The following POLRMT variants were observed in gnomAD, a reference collection of about 807,000 sequenced individuals.
The protein encoded by POLRMT is RNA polymerase mitochondrial.
POLRMT carries 114 observed loss-of-function variants against 132.2 expected under a neutral mutation model. The observed-to-expected ratio is 0.86, with a 90% CI of 0.74 to 1.01. POLRMT has a LOEUF of 1.01. POLRMT is among the 50% of genes least tolerant of loss of function. The pLI is 0.00. For missense variants in POLRMT, 2,003 were observed against 1,729.1 expected (o/e 1.16, Z -2.81); for synonymous variants, 1,020 against 773.4 (o/e 1.32, Z -5.29).
intron 11 of POLRMT, 128 bp from the exon 12 acceptor site, chr19:620,208 G>T (rs1301688608): frequency 6.8e-7 from 1 of 1,465,728 alleles, no homozygotes; most frequent in Admixed American, 2.1e-5. Context: ...CGGAGCCCCC[G>T]CACGCTCCCG....
At chr19:633,045 G>A in intron 1 of POLRMT, 107 bp from the exon 2 acceptor site, 2 of 765,176 alleles carry the variant, frequency 2.6e-6, no homozygotes, top group Non-Finnish European at 3.9e-6. Flanking sequence ...AAACGCAGCG[G>A]AAACTCTCGG....
Position 617,409 on chromosome 19 carries a change from A to G in POLRMT, c.3643+10T>C. The stretch of plus-strand genomic sequence containing the variant: ...TCGAGCCACCCTTGCGAGGCTGCCC[A>G]CCCGCCTACCTGGCTTGGGCACCGC... On this transcript the variant is annotated intron_variant, in intron 20 of 20. Transcript: ENST00000588649. 6.2e-7 allele frequency: 1 copy of G among 1,611,698 alleles called. No homozygotes were observed.
rs778477461 is a variant in POLRMT at position 621,276 on chromosome 19, G to C, written c.2422C>G (p.Pro808Ala). The C allele has an allele frequency of 6.2e-7, 1 of 1,606,778 alleles. No homozygotes were observed. Among genetic ancestry groups the C allele is most frequent in the Non-Finnish European group, 8.5e-7 (1 of 1,177,888 alleles). The change falls in exon 10 of 21, where the codon CCC becomes GCC. Residue 808 changes from proline (P) to alanine (A), a missense_variant. By Grantham distance (27) the Pro-to-Ala change is conservative. Transcript: ENST00000588649. ...AGGTGGTTGAAGTGCGGCGGGCAGGGGTAGGTGCGGCCGCGGAAGTCCATG... is the reference window on the plus strand; with the variant it reads ...AGGTGGTTGAAGTGCGGCGGGCAGGCGTAGGTGCGGCCGCGGAAGTCCATG... ...HNMDFRGRTY[P>A]CPPHFNHLGS... is the part of the protein sequence containing the mutation.
At chr19:618,785 G>A (rs1211300593) in intron 15 of POLRMT, 25 bp from the exon 16 acceptor site, 1 of 1,577,368 alleles carries the variant, frequency 6.3e-7, no homozygotes, top group Non-Finnish European at 8.6e-7. Context: ...GGGCCGGTGA[G>A]TCCCACCCGA....
Position 617,673 on chromosome 19 carries a change from G to C in POLRMT, c.3496-18C>G, listed in dbSNP as rs370155132. 1.2e-6 allele frequency: 2 copies of C among 1,612,498 alleles called. No individual in the cohort carries two copies. The highest frequency in any genetic ancestry group is 2.2e-5 in the South Asian group (2 of 91,080). On this transcript the variant is annotated intron_variant, in intron 18 of 20. Transcript: ENST00000588649. ...CGGCACACCTGGGCAGGAGTCAGAG[G>C]ATCCCCAGGGGTGATCAGGCAGGCT... is the stretch of plus-strand genomic sequence containing the variant.
rs752702101 is a variant in POLRMT, at chr19:617,788, C to G, written c.3484G>C (p.Val1162Leu). The G allele has an allele frequency of 3.7e-6, 6 of 1,613,330 alleles. No individual in the cohort carries two copies. In the East Asian group the frequency reaches 1.1e-4, roughly 30 times the overall value. The change falls in exon 18 of 21, where the codon GTC (valine) becomes CTC (leucine). Residue 1162 changes from valine (V) to leucine (L), a missense_variant. Transcript: ENST00000588649. ...GACTACGGGGGCACCTGGTTCATGA[C>G]GGAGACATCAGCTGCGTGAGTCCAG... is the stretch of plus-strand genomic sequence containing the variant. ...CYWTHAADVS[V>L]MNQVCREQFV...
rs748881786 is a variant in POLRMT, at chr19:620,049, G to A, written c.2795C>T (p.Ala932Val). Residue 932 changes from alanine (A) to valine (V), a missense_variant, in exon 12 of 21, where the codon GCT becomes GTT. Transcript: ENST00000588649. ...GCCCACGCTGTCGCGGCCCAGAGCAGCATAATGCTGCAGGCCGTTGCAAGA... is the reference window on the plus strand; with the variant it reads ...GCCCACGCTGTCGCGGCCCAGAGCAACATAATGCTGCAGGCCGTTGCAAGA... ...DGSCNGLQHY[A>V]ALGRDSVGAA... 96 of 1,550,498 alleles carry A rather than the reference G, an allele frequency of 6.2e-5. No homozygotes were observed. Among genetic ancestry groups the A allele is most frequent in the Middle Eastern group, 1.7e-4 (1 of 6,008 alleles).
At chr19:617,508 G>A (rs1227164883) in intron 19 of POLRMT, 28 bp from the exon 20 acceptor site, 24 of 1,605,364 alleles carry the variant, frequency 1.5e-5, no homozygotes, top group African/African-American at 2.7e-5. Context: ...GTGGGGTGAG[G>A]CTGAGGCCAG....
In POLRMT at chr19:633,470, G is replaced by C. The variant is rs777246660; in HGVS notation, c.43C>G (p.Arg15Gly). 14 of 1,561,206 alleles carry C rather than the reference G, an allele frequency of 9.0e-6. No individual in the cohort carries two copies. In the East Asian group the frequency reaches 2.7e-4, roughly 30 times the overall value. ...GGGCGGCCGCAAGGCCGTAGGGCTC[G>C]TTTGAGCCCCGCCGCTCCGCGGCCC... ...CWGRGAAGLKRALRPCGRPGL... is the reference protein window; with the variant it reads ...CWGRGAAGLKGALRPCGRPGL... Residue 15 changes from arginine to glycine, a missense_variant, in exon 1 of 21, where the codon CGA becomes GGA. Coordinates refer to ENST00000588649, the MANE Select transcript of POLRMT (RefSeq NM_005035.4).
At chr19:620,845 GGC>G (rs1984480992) in intron 10 of POLRMT, among the ~76,000 whole-genome samples, 1 of 112,074 alleles carries the variant, frequency 8.9e-6, no homozygotes, top group Admixed American at 8.7e-5. Flanking sequence ...AAGCAGGACG[GGC>G]AGGGGGCGCG....
At chr19:618,868 G>A (rs1392643967) in intron 15 of POLRMT, 108 bp from the exon 16 acceptor site, 4 of 1,395,474 alleles carry the variant, frequency 2.9e-6, no homozygotes, top group Admixed American at 2.0e-5. Flanking sequence ...GTGGCACACT[G>A]GCGCGGGATG....
chr19:622,693 A>G lies in POLRMT; in HGVS notation c.1515T>C (p.Ser505=), dbSNP rs1984713761. The change falls in exon 8 of 21, where the codon AGT becomes AGC. Residue 505 remains serine, a synonymous_variant. Coordinates refer to ENST00000588649, the MANE Select transcript of POLRMT (RefSeq NM_005035.4). ...ESFTTLAREL[S]ARTFSRHVVQ... ...CCACGTGCCGGCTGAAAGTGCGCGC[A>G]CTCAGCTCCCGGGCCAGGGTGGTGA... The G allele has an allele frequency of 2.5e-6, 4 of 1,604,530 alleles. No individual in the cohort carries two copies. Among genetic ancestry groups the G allele is most frequent in the African/African-American group, 1.3e-5 (1 of 74,744 alleles).
At position 624,855 on chromosome 19, in the gene POLRMT, G is replaced by C; in HGVS notation, c.1004C>G (p.Thr335Ser). The C allele has an allele frequency of 1.2e-6, 2 of 1,613,196 alleles. No individual in the cohort carries two copies. Among genetic ancestry groups the C allele is most frequent in the Non-Finnish European group, 1.7e-6 (2 of 1,179,922 alleles). The change falls in exon 5 of 21, where the codon ACC becomes AGC. Residue 335 changes from threonine (T) to serine (S), a missense_variant. Physicochemically the swap from Thr to Ser is moderately conservative, Grantham distance 58. Transcript: ENST00000588649. The stretch of plus-strand genomic sequence containing the variant: ...ATCCTCCTCAGACAGCAGAACGGCG[G>C]TGAAGAGTGCCTGCAGCTTCAGCCC... ...QEGLKLQALFTAVLLSEEDRA... is the reference protein window; with the variant it reads ...QEGLKLQALFSAVLLSEEDRA...
chr19:624,308 C>T (rs1162386234), intron 5 of POLRMT, among the ~76,000 whole-genome samples: 3 of 152,168 alleles, frequency 2.0e-5, no homozygotes, highest in Admixed American at 1.3e-4. Flanking sequence ...GGGATGGGGA[C>T]GAGGCTTCCT....
chr19:618,550 C>T lies in POLRMT; in HGVS notation c.3360G>A (p.Pro1120=), dbSNP rs140360484. The change falls in exon 17 of 21, where the codon CCG becomes CCA. Residue 1120 remains proline (P), a synonymous_variant. Transcript: ENST00000588649. ...PNTRKQKNGF[P]PNFIHSLDSS... Reference sequence around the variant, plus strand: ...AGTCCAGCGAGTGGATGAAGTTGGGCGGGAAGCCGTTCTTCTGCTTACGTG... The same window carrying T: ...AGTCCAGCGAGTGGATGAAGTTGGGTGGGAAGCCGTTCTTCTGCTTACGTG... 555 of 1,613,226 alleles carry T rather than the reference C, an allele frequency of 3.4e-4. No individual in the cohort carries two copies. Among genetic ancestry groups the T allele is most frequent in the African/African-American group, 3.3e-3 (246 of 75,032 alleles).
At position 619,230 on chromosome 19, in the gene POLRMT, A is replaced by C. The variant is rs571095540; in HGVS notation, c.3133T>G (p.Ser1045Ala). The C allele has an allele frequency of 6.2e-7, 1 of 1,610,270 alleles. No individual in the cohort carries two copies. Among genetic ancestry groups the C allele is most frequent in the Admixed American group, 1.7e-5 (1 of 59,736 alleles). The change falls in exon 14 of 21, where the codon TCG becomes GCG. Residue 1045 changes from serine (S) to alanine (A), a missense_variant. Physicochemically the swap from Ser to Ala is moderately conservative, Grantham distance 99 (BLOSUM62 1). Transcript: ENST00000588649. ...CGTACCTGGATGGCCCGGGTCCCCGAGAACATCTCCTGTAGACTCTTGAAG... is the reference window on the plus strand; with the variant it reads ...CGTACCTGGATGGCCCGGGTCCCCGCGAACATCTCCTGTAGACTCTTGAAG... ...QVFKSLQEMF[S>A]GTRAIQHWLT...
chr19:632,952 G>T lies in POLRMT; in HGVS notation c.89-14C>A, dbSNP rs992129991. The stretch of plus-strand genomic sequence containing the variant: ...CACCGGCGGTCCCTGCGGGAAAGAC[G>T]AGAGCGGCTGAGCGGGGCCGGGCGT... On this transcript the variant is annotated splice_polypyrimidine_tract_variant and intron_variant, in intron 1 of 20. Coordinates refer to ENST00000588649, the MANE Select transcript of POLRMT (RefSeq NM_005035.4). 1.3e-6 allele frequency: 2 copies of T among 1,486,318 alleles called. No homozygotes were observed. Among genetic ancestry groups the T allele is most frequent in the Non-Finnish European group, 8.9e-7 (1 of 1,121,886 alleles). 92.1% of individuals were successfully genotyped at this position (1,486,318 alleles called of 1,614,324 possible). A position where few individuals can be genotyped will look rare whatever the true frequency, so the allele number is the denominator to read the frequency against.
In POLRMT at chr19:618,739, T is replaced by C. The variant is rs957707433; in HGVS notation, c.3289A>G (p.Ser1097Gly). The change falls in exon 16 of 21, where the codon AGC (serine) becomes GGC (glycine). Residue 1097 changes from serine to glycine, a missense_variant. Physicochemically the swap from Ser to Gly is moderately conservative, Grantham distance 56. Transcript: ENST00000588649. ...TCTCCGTTGTGGGTGTAGGTGATGC[T>C]CTGAATTCCACCTCCTATTTGCTAA... ...KVKQIGGGIQ[S>G]ITYTHNGDIS... The C allele has an allele frequency of 1.2e-6, 2 of 1,606,254 alleles. No individual in the cohort carries two copies. The highest frequency in any genetic ancestry group is 1.3e-5 in the African/African-American group (1 of 74,734).
At chr19:630,698 G>A (rs1324759643) in intron 2 of POLRMT, among the ~76,000 whole-genome samples, 1 of 152,130 alleles carries the variant, frequency 6.6e-6, no homozygotes, top group East Asian at 1.9e-4. Context: ...CCCAGCTGGT[G>A]GAGCTGCCAC....
Sources: gnomAD v4.1 joint callset for allele counts (sites outside exome capture counted in the v4.1 genomes callset) on GRCh38, gnomAD v4.1.1 for gene constraint, MANE v1.5 for transcripts, NCBI Gene and HGNC (gene_info 2026-07-23, HGNC 2026-07-21) for gene names.